Variants in NECAB1 observed in about 807,000 individuals in gnomAD.
The protein encoded by NECAB1 is N-terminal EF-hand calcium-binding protein 1.
Under a neutral mutation model 57.5 loss-of-function variants are expected in NECAB1, and 29 were observed. The ratio of observed to expected loss-of-function variants is 0.50; its 90% CI spans 0.38 to 0.69. NECAB1 has a LOEUF of 0.69. Among genes scored for constraint, NECAB1 ranks in the 30% least tolerant of loss-of-function variants. The pLI, the probability that NECAB1 is intolerant of heterozygous loss-of-function variation, is 0.00. For missense variants in NECAB1, 372 were observed against 413.8 expected (o/e 0.90, Z 0.88); for synonymous variants, 142 against 147.7 (o/e 0.96, Z 0.28).
intron 2 of NECAB1, among the ~76,000 whole-genome samples, chr8:90,805,023 T>G (rs4489289): frequency 0.41 from 63,080 of 152,096 alleles, 15,000 homozygotes; most frequent in East Asian, 0.81. Context: ...TGTTTTTTCT[T>G]CTGTGATGAC....
In NECAB1 at chr8:90,824,750, C is replaced by T. The variant is rs542522576; in HGVS notation, c.158C>T (p.Ala53Val). Residue 53 changes from alanine (A) to valine (V), a missense_variant, in exon 3 of 13, where the codon GCA (alanine) becomes GTA (valine). Ala to Val is a moderately conservative substitution (Grantham distance 64). Transcript: ENST00000417640. ...AAATTATCCTTTGAAGAATTCAAAG[C>T]ATATTTTGCAGATGGTGTTCTCAGT... ...DGKLSFEEFK[A>V]YFADGVLSGE... 3 of 1,549,738 alleles carry T rather than the reference C, an allele frequency of 1.9e-6. No individual in the cohort carries two copies. The highest frequency in any genetic ancestry group is 3.9e-5 in the Admixed American group (2 of 51,478).
At chr8:90,838,832 C>T (rs1812411187) in intron 3 of NECAB1, among the ~76,000 whole-genome samples, 1 of 152,172 alleles carries the variant, frequency 6.6e-6, no homozygotes, top group African/African-American at 2.4e-5. Context: ...TCACAGTCAG[C>T]TGCTATAATC....
At chr8:90,797,269 ATCT>A (rs1355140385) in intron 1 of NECAB1, among the ~76,000 whole-genome samples, 1 of 152,346 alleles carries the variant, frequency 6.6e-6, no homozygotes, top group East Asian at 1.9e-4. Flanking sequence ...AAGGAGGACC[ATCT>A]TCTTCTGCAT....
intron 3 of NECAB1, among the ~76,000 whole-genome samples, chr8:90,843,203 A>G (rs1812485948): frequency 6.6e-6 from 1 of 152,200 alleles, no homozygotes; most frequent in Non-Finnish European, 1.5e-5. Context: ...CACCCCCGTG[A>G]TTCGATTACC....
chr8:90,912,921 C>T (rs1046354688), intron 5 of NECAB1, among the ~76,000 whole-genome samples: 2 of 152,164 alleles, frequency 1.3e-5, no homozygotes, highest in African/African-American at 4.8e-5. Flanking sequence ...AGATGTCTTA[C>T]ACAAGAATGG....
intron 3 of NECAB1, among the ~76,000 whole-genome samples, chr8:90,862,806 T>TTCCCTTATCTTCCCATCTCCAACTCA (rs1808425664): frequency 6.7e-6 from 1 of 150,334 alleles, no homozygotes; most frequent in African/African-American, 2.5e-5. Flanking sequence ...TACAAAGTAT[T>TTCCCTTATCTTCCCATCTCCAACTCA]TCCCTTATTT....
chr8:90,791,829 C>A lies in NECAB1; in HGVS notation c.-58C>A. On this transcript the variant is annotated 5_prime_UTR_variant, in exon 1 of 13. Transcript: ENST00000417640. ...AGCAGCAGCTGCGGCCGCGCCCTTG[C>A]CAGAGCCGGTGCGTCCGCCTAGCCC... 7.0e-7 allele frequency: 1 copy of A among 1,421,822 alleles called. No individual in the cohort carries two copies. The highest frequency in any genetic ancestry group is 1.2e-5 in the South Asian group (1 of 81,060). 88.1% of individuals were successfully genotyped at this position (1,421,822 alleles called of 1,614,324 possible). A position where few individuals can be genotyped will look rare whatever the true frequency, so the allele number is the denominator to read the frequency against.
At chr8:90,795,286 G>A (rs6991658) in intron 1 of NECAB1, among the ~76,000 whole-genome samples, 2,998 of 152,228 alleles carry the variant, frequency 0.02, 106 homozygotes, top group African/African-American at 0.069. Flanking sequence ...ATTCCCAAAC[G>A]AAATTAGTAG....
At chr8:90,933,059 T>TA (rs1329293768) in intron 8 of NECAB1, among the ~76,000 whole-genome samples, 1 of 151,986 alleles carries the variant, frequency 6.6e-6, no homozygotes, top group Non-Finnish European at 1.5e-5. Flanking sequence ...AAGGCCATAA[T>TA]AAAAAAATTA....
rs140106330 is a variant in NECAB1 at position 90,943,509 on chromosome 8, C to T, written c.860+2611C>T. 2.0e-4 allele frequency among the ~76,000 whole-genome samples: 30 copies of T among 152,136 alleles called. 1 individual carries two copies. In the East Asian group the frequency reaches 5.6e-3, roughly 28 times the overall value. ...TCTACATTCAATTTTTCAGTTGTAC[C>T]AGTTAATCAAATTCAATTTTCTACC... On this transcript the variant is annotated intron_variant, in intron 10 of 12. Transcript: ENST00000417640.
At chr8:90,859,652 T>G (rs1006181611) in intron 3 of NECAB1, among the ~76,000 whole-genome samples, 5 of 152,098 alleles carry the variant, frequency 3.3e-5, no homozygotes, top group African/African-American at 1.2e-4. Flanking sequence ...GGAACTCAGG[T>G]AAGACAAATG....
intron 10 of NECAB1, among the ~76,000 whole-genome samples, chr8:90,948,671 T>C (rs767345420): frequency 1.3e-5 from 2 of 152,246 alleles, no homozygotes; most frequent in Non-Finnish European, 2.9e-5. Context: ...ATTCAGTTTT[T>C]AAAGGCATCT....
At chr8:90,875,487 CAAAAAAAAAAAAA>C (rs35777818) in intron 4 of NECAB1, among the ~76,000 whole-genome samples, 9 of 41,494 alleles carry the variant, frequency 2.2e-4, no homozygotes, top group Admixed American at 9.5e-4. Context: ...GACTCCGTCT[CAAAAAAAAAAAAA>C]AAAAAAAAAA....
rs1243649110 is a variant in NECAB1, at chr8:90,949,817, C to G, written c.871C>G (p.Gln291Glu). Residue 291 changes from glutamine (Q) to glutamate (E), a missense_variant, in exon 11 of 13, where the codon CAG (glutamine) becomes GAG (glutamate). Physicochemically the swap from Gln to Glu is conservative, Grantham distance 29. Coordinates refer to ENST00000417640, the MANE Select transcript of NECAB1 (RefSeq NM_022351.5). ...TATTTTCCATTTCAGTATTTCTATACAGAAGCTTTCAAATGAATCTCGCTA... is the reference window on the plus strand; with the variant it reads ...TATTTTCCATTTCAGTATTTCTATAGAGAAGCTTTCAAATGAATCTCGCTA... ...SQSGCLRISI[Q>E]KLSNESRYMI... is the part of the protein sequence containing the mutation. The G allele has an allele frequency of 6.3e-7, 1 of 1,599,702 alleles. No individual in the cohort carries two copies. The highest frequency in any genetic ancestry group is 8.6e-7 in the Non-Finnish European group (1 of 1,169,170).
rs540084713 is a variant in NECAB1, at chr8:90,901,963, C to T, written c.358-15529C>T. Among the ~76,000 whole-genome samples the T allele has an allele frequency of 2.0e-5, 3 of 152,100 alleles. No homozygotes were observed. In the South Asian group the frequency reaches 6.2e-4, roughly 32 times the overall value. ...ATTTGTTGAAGCATTTTAATCTATA[C>T]TGCAAAAGGATGTTTTATTTCCTTC... On this transcript the variant is annotated intron_variant, in intron 5 of 12. Coordinates refer to ENST00000417640, the MANE Select transcript of NECAB1 (RefSeq NM_022351.5).
At chr8:90,864,067 A>T (rs1274700734) in intron 3 of NECAB1, among the ~76,000 whole-genome samples, 3 of 152,174 alleles carry the variant, frequency 2.0e-5, no homozygotes, top group African/African-American at 7.2e-5. Flanking sequence ...AAACGTTTAT[A>T]GCAATTTGAT....
rs543677667 is a variant in NECAB1 at position 90,797,656 on chromosome 8, G to C, written c.100-4035G>C. The stretch of plus-strand genomic sequence containing the variant: ...CTAGTGGGGCATCCTCTTTGGTACT[G>C]TATATAACATAGCTCTGTAGTATGT... On this transcript the variant is annotated intron_variant, in intron 1 of 12. Coordinates refer to ENST00000417640, the MANE Select transcript of NECAB1 (RefSeq NM_022351.5). Among the ~76,000 whole-genome samples the C allele has an allele frequency of 7.2e-5, 11 of 152,298 alleles. No homozygotes were observed. In the South Asian group the frequency reaches 2.3e-3, roughly 32 times the overall value.
At chr8:90,873,414 G>A (rs919117201) in intron 4 of NECAB1, among the ~76,000 whole-genome samples, 6 of 152,172 alleles carry the variant, frequency 3.9e-5, no homozygotes, top group Non-Finnish European at 7.4e-5. Context: ...GACCATTGCC[G>A]TGAGGCTTTA....
chr8:90,852,319 A>G (rs1224441275), intron 3 of NECAB1, among the ~76,000 whole-genome samples: 1 of 151,988 alleles, frequency 6.6e-6, no homozygotes, highest in Non-Finnish European at 1.5e-5. Flanking sequence ...CCATTATCAC[A>G]TCACTTGTAA....
Sources: allele counts gnomAD v4.1 joint callset (sites outside exome capture counted in the v4.1 genomes callset), GRCh38; gene constraint gnomAD v4.1.1; transcripts MANE v1.5; gene names NCBI Gene and HGNC (gene_info 2026-07-23, HGNC 2026-07-21).